ADGRL3: variants seen among roughly 807,000 people sequenced by gnomAD.
The protein encoded by ADGRL3 is calcium-independent alpha-latrotoxin receptor 3.
In ADGRL3, 62 loss-of-function variants were observed where a neutral mutation model predicts 153.5. The observed-to-expected ratio is 0.40, with a 90% CI of 0.33 to 0.50. ADGRL3 has a LOEUF of 0.50. ADGRL3 is among the 20% of genes least tolerant of loss of function. The probability of loss-of-function intolerance (pLI) is 0.47; values close to 1 mark genes in which losing one functional copy is unlikely to be tolerated. For synonymous variants in ADGRL3, 710 were observed against 672.5 expected, an observed-to-expected ratio of 1.06 and a Z score of -0.86; for missense variants, 1,641 against 1,859.4, an observed-to-expected ratio of 0.88 and a Z score of 2.16.
intron 2 of ADGRL3, among the ~76,000 whole-genome samples, chr4:61,443,109 A>G (rs965307580): frequency 1.3e-5 from 2 of 152,208 alleles, no homozygotes; most frequent in Non-Finnish European, 2.9e-5. Context: ...TGCCAAATTC[A>G]GTGAGTTTTA....
At chr4:61,286,569 C>A (rs1327781350) in intron 1 of ADGRL3, among the ~76,000 whole-genome samples, 1 of 151,502 alleles carries the variant, frequency 6.6e-6, no homozygotes, top group Non-Finnish European at 1.5e-5. Flanking sequence ...ACCTATATAA[C>A]TGAAGCAAAT....
intron 5 of ADGRL3, among the ~76,000 whole-genome samples, chr4:61,599,109 T>A (rs2099000671): frequency 6.6e-6 from 1 of 152,180 alleles, no homozygotes; most frequent in South Asian, 2.1e-4. Context: ...CAGGATAAAT[T>A]GTTCATTTTT....
rs73822588 is a variant in ADGRL3 at position 61,262,435 on chromosome 4, G to A, written c.-240+60670G>A. On this transcript the variant is annotated intron_variant, in intron 1 of 26. Coordinates refer to ENST00000683033, the MANE Select transcript of ADGRL3 (RefSeq NM_001387552.1). ...GTTTTACCAGAAAAAAATTAAGGTC[G>A]CCATTGTGTTGTTTCTAGATTTCAC... Among the ~76,000 whole-genome samples, 779 of 151,996 alleles carry A rather than the reference G, an allele frequency of 5.1e-3. 8 individuals are homozygous for A. Among genetic ancestry groups the A allele is most frequent in the African/African-American group, 0.017 (717 of 41,470 alleles).
intron 7 of ADGRL3, among the ~76,000 whole-genome samples, chr4:61,731,892 A>G (rs112778019): frequency 5.9e-5 from 9 of 152,232 alleles, no homozygotes; most frequent in African/African-American, 2.2e-4. Context: ...TCATACTAAA[A>G]ATCAAGTGAA....
At chr4:61,231,559 A>G (rs1408698191) in intron 1 of ADGRL3, among the ~76,000 whole-genome samples, 4 of 152,126 alleles carry the variant, frequency 2.6e-5, no homozygotes, top group East Asian at 3.9e-4. Context: ...GGCTGTTTCA[A>G]ACTTTTCATT....
intron 17 of ADGRL3, among the ~76,000 whole-genome samples, chr4:61,975,209 G>C (rs2099043768): frequency 6.6e-6 from 1 of 152,074 alleles, no homozygotes; most frequent in South Asian, 2.1e-4. Flanking sequence ...AAGCAATAGA[G>C]AGAGTCAGAA....
intron 4 of ADGRL3, among the ~76,000 whole-genome samples, chr4:61,555,740 C>A (rs1022401314): frequency 2.0e-5 from 3 of 152,150 alleles, no homozygotes; most frequent in African/African-American, 7.2e-5. Context: ...CTGTTGGTTG[C>A]CCATTTTTAT....
At chr4:61,707,009 G>T (rs986948317) in intron 6 of ADGRL3, among the ~76,000 whole-genome samples, 7 of 152,094 alleles carry the variant, frequency 4.6e-5, no homozygotes, top group African/African-American at 1.7e-4. Context: ...ATAGTTAGAG[G>T]CCATTGCAGG....
At chr4:61,749,873 A>G (rs2096729418) in intron 8 of ADGRL3, among the ~76,000 whole-genome samples, 1 of 149,524 alleles carries the variant, frequency 6.7e-6, no homozygotes, top group Admixed American at 6.6e-5. Flanking sequence ...AATAAAATAA[A>G]AATAAGAATA....
chr4:62,022,051 G>A (rs927421652), intron 21 of ADGRL3, among the ~76,000 whole-genome samples: 3 of 152,216 alleles, frequency 2.0e-5, no homozygotes, highest in Non-Finnish European at 4.4e-5. Context: ...TAGGCTGAAA[G>A]CCAATCCTCT....
intron 8 of ADGRL3, among the ~76,000 whole-genome samples, chr4:61,762,404 C>G (rs943262956): frequency 1.3e-5 from 2 of 151,962 alleles, no homozygotes; most frequent in Non-Finnish European, 2.9e-5. Context: ...GATGAGAGAA[C>G]ATATTATTTA....
intron 1 of ADGRL3, among the ~76,000 whole-genome samples, chr4:61,273,529 TGAATTG>T (rs1478462260): frequency 6.6e-6 from 1 of 152,166 alleles, no homozygotes; most frequent in Admixed American, 6.6e-5. Flanking sequence ...TTTGTGGCAT[TGAATTG>T]CTACCATCTG....
chr4:61,360,893 G>A (rs1470792397), intron 1 of ADGRL3, among the ~76,000 whole-genome samples: 2 of 152,138 alleles, frequency 1.3e-5, no homozygotes, highest in Non-Finnish European at 2.9e-5. Context: ...CTTTAAGTAA[G>A]CATGTGTCTG....
At chr4:61,996,262 T>G in intron 19 of ADGRL3, 29 bp from the exon 20 acceptor site, 2 of 1,543,482 alleles carry the variant, frequency 1.3e-6, no homozygotes, top group Non-Finnish European at 9.0e-7. Flanking sequence ...AGTCCTTGAA[T>G]ACCTTCTCTC....
intron 6 of ADGRL3, among the ~76,000 whole-genome samples, chr4:61,685,676 G>A (rs770686930): frequency 7.9e-5 from 12 of 152,054 alleles, no homozygotes; most frequent in Non-Finnish European, 1.2e-4. Flanking sequence ...GTTAGATGAG[G>A]TAGATAGATT....
At chr4:61,931,726 T>A (rs1239810638) in intron 13 of ADGRL3, among the ~76,000 whole-genome samples, 2 of 152,158 alleles carry the variant, frequency 1.3e-5, no homozygotes, top group African/African-American at 4.8e-5. Flanking sequence ...GGGGGCCACA[T>A]TTTGAGTGTG....
At chr4:61,678,743 A>C (rs2095268130) in intron 6 of ADGRL3, among the ~76,000 whole-genome samples, 1 of 152,024 alleles carries the variant, frequency 6.6e-6, no homozygotes. Context: ...TTATACACTC[A>C]GTTATACTCA....
At chr4:61,995,604 C>T (rs1370272198) in intron 19 of ADGRL3, among the ~76,000 whole-genome samples, 2 of 152,106 alleles carry the variant, frequency 1.3e-5, no homozygotes, top group Non-Finnish European at 2.9e-5. Context: ...TTTTGTCTTC[C>T]TGTCATCCTG....
chr4:61,858,349 A>G (rs1452721458), intron 9 of ADGRL3, among the ~76,000 whole-genome samples: 1 of 152,130 alleles, frequency 6.6e-6, no homozygotes, highest in Non-Finnish European at 1.5e-5. Flanking sequence ...TTGGCCAGGC[A>G]TGGTGGCTCA....
Sources: gnomAD v4.1 joint callset for allele counts (sites outside exome capture counted in the v4.1 genomes callset) on GRCh38, gnomAD v4.1.1 for gene constraint, MANE v1.5 for transcripts, NCBI Gene and HGNC (gene_info 2026-07-23, HGNC 2026-07-21) for gene names.